FILIP1L: variants seen among roughly 807,000 people sequenced by gnomAD.
The protein encoded by FILIP1L is filamin A interacting protein 1 like, also known as filamin A-interacting protein 1-like.
A neutral mutation model predicts 96.6 loss-of-function variants in FILIP1L; 55 were observed. The observed-to-expected ratio is 0.57, with a 90% CI of 0.46 to 0.71. The LOEUF (loss-of-function observed/expected upper bound fraction) is 0.71. Ranked by LOEUF, FILIP1L falls within the 30% of genes least tolerant of loss-of-function variation. The probability of loss-of-function intolerance (pLI) is 0.00; values close to 1 mark genes in which losing one functional copy is unlikely to be tolerated. For synonymous variants in FILIP1L, 467 were observed against 473.9 expected (o/e 0.99, Z 0.19); for missense variants, 1,304 against 1,321.2 (o/e 0.99, Z 0.20).
chr3:99,970,524 G>A (rs1302828126), intron 1 of FILIP1L, among the ~76,000 whole-genome samples: 1 of 152,198 alleles, frequency 6.6e-6, no homozygotes, highest in Non-Finnish European at 1.5e-5. Context: ...CCTAATTGCA[G>A]AACACTTTCT....
Position 99,849,971 on chromosome 3 carries a change from T to C in FILIP1L, c.1705A>G (p.Asn569Asp). The C allele has an allele frequency of 6.2e-7, 1 of 1,612,628 alleles. No individual in the cohort carries two copies. The highest frequency in any genetic ancestry group is 1.1e-5 in the South Asian group (1 of 90,426). The change falls in exon 5 of 6, where the codon AAC becomes GAC. Residue 569 changes from asparagine to aspartate, a missense_variant. Transcript: ENST00000477258. Reference sequence around the variant, plus strand: ...TTCTCTTCTTCCGCTTTCAATTTGTTTTTTAAATCATCTCTCTCCTTGGTT... The same window carrying C: ...TTCTCTTCTTCCGCTTTCAATTTGTCTTTTAAATCATCTCTCTCCTTGGTT... Reference protein sequence around the residue: ...SVTKERDDLKNKLKAEEEKGN... With the variant: ...SVTKERDDLKDKLKAEEEKGN...
At chr3:99,908,960 C>T (rs1209722750) in intron 4 of FILIP1L, among the ~76,000 whole-genome samples, 1 of 151,890 alleles carries the variant, frequency 6.6e-6, no homozygotes. Flanking sequence ...TTACTCTGAC[C>T]CCATTTACTC....
At chr3:99,885,957 C>T (rs892395578) in intron 4 of FILIP1L, among the ~76,000 whole-genome samples, 3 of 152,204 alleles carry the variant, frequency 2.0e-5, no homozygotes, top group Non-Finnish European at 2.9e-5. Flanking sequence ...ACTAGTAGCA[C>T]TCTTTGTGCA....
intron 4 of FILIP1L, among the ~76,000 whole-genome samples, chr3:99,914,283 AAGTTTTTTTATTTTTGGAAGACC>A: frequency 6.6e-6 from 1 of 152,328 alleles, no homozygotes; most frequent in East Asian, 1.9e-4. Flanking sequence ...TGAGCAATGG[AAGTTTTTTTATTTTTGGAAGACC>A]AGTGATGCTA....
At chr3:99,952,843 CA>C (rs1708216038) in intron 1 of FILIP1L, among the ~76,000 whole-genome samples, 1 of 152,086 alleles carries the variant, frequency 6.6e-6, no homozygotes, top group African/African-American at 2.4e-5. Flanking sequence ...AGGATAATTT[CA>C]ATCTTTATAT....
At chr3:99,948,354 TTTAAAAATTAA>T (rs1273299258) in intron 1 of FILIP1L, among the ~76,000 whole-genome samples, 1 of 151,924 alleles carries the variant, frequency 6.6e-6, no homozygotes, top group African/African-American at 2.4e-5. Context: ...TAAAAAATTT[TTTAAAAATTAA>T]GTAAAAATAA....
chr3:100,017,565 A>T (rs1235207622), intron 1 of FILIP1L, among the ~76,000 whole-genome samples: 1 of 152,198 alleles, frequency 6.6e-6, no homozygotes, highest in African/African-American at 2.4e-5. Context: ...TGTCAGCAAC[A>T]TGTATCCTGA....
chr3:99,842,085 A>G (rs369844536), intron 5 of FILIP1L, among the ~76,000 whole-genome samples: 1 of 152,208 alleles, frequency 6.6e-6, no homozygotes, highest in Admixed American at 6.5e-5. Flanking sequence ...AACCAGCTCA[A>G]ATGTCCATCA....
At chr3:99,933,883 G>GT (rs758947472) in intron 1 of FILIP1L, among the ~76,000 whole-genome samples, 12 of 152,202 alleles carry the variant, frequency 7.9e-5, no homozygotes, top group Non-Finnish European at 8.8e-5. Context: ...ACATGTTAGT[G>GT]TTTAACAAAC....
chr3:99,951,813 A>T (rs1168478173), intron 1 of FILIP1L, among the ~76,000 whole-genome samples: 1 of 152,178 alleles, frequency 6.6e-6, no homozygotes, highest in East Asian at 1.9e-4. Flanking sequence ...ACAACTACTC[A>T]AACTCTATCT....
chr3:100,030,959 A>T (rs897320076), intron 1 of FILIP1L, among the ~76,000 whole-genome samples: 1 of 152,188 alleles, frequency 6.6e-6, no homozygotes, highest in Non-Finnish European at 1.5e-5. Flanking sequence ...AATCTATGAG[A>T]TATGAAGTCT....
At chr3:99,972,190 T>C (rs1708842895) in intron 1 of FILIP1L, among the ~76,000 whole-genome samples, 1 of 152,148 alleles carries the variant, frequency 6.6e-6, no homozygotes, top group African/African-American at 2.4e-5. Flanking sequence ...AGTCTTTTTA[T>C]GGGCTTAATA....
intron 1 of FILIP1L, among the ~76,000 whole-genome samples, chr3:100,014,891 C>CTTTTTTTTTTTTTTTTTTTTTT (rs1710284139): frequency 6.2e-4 from 17 of 27,220 alleles, no homozygotes; most frequent in African/African-American, 7.5e-4. Context: ...TTTTTTCTTT[C>CTTTTTTTTTTTTTTTTTTTTTT]TTTCTTTTTT....
At chr3:99,920,312 A>AG (rs1168061558) in intron 4 of FILIP1L, among the ~76,000 whole-genome samples, 2 of 152,242 alleles carry the variant, frequency 1.3e-5, no homozygotes, top group Admixed American at 1.3e-4. Flanking sequence ...AGAAAAAAAA[A>AG]TATGCAAGCT....
intron 4 of FILIP1L, among the ~76,000 whole-genome samples, chr3:99,903,162 G>T (rs1706492457): frequency 6.6e-6 from 1 of 152,050 alleles, no homozygotes; most frequent in African/African-American, 2.4e-5. Context: ...TTGTTATGAG[G>T]ATTAAAGTTT....
intron 1 of FILIP1L, among the ~76,000 whole-genome samples, chr3:100,098,694 G>A (rs1576057792): frequency 1.3e-5 from 2 of 152,296 alleles, no homozygotes; most frequent in South Asian, 4.1e-4. Context: ...GTGTAGCATA[G>A]CAGTGCCTTC....
chr3:99,963,967 G>A (rs1472678927), intron 1 of FILIP1L, among the ~76,000 whole-genome samples: 1 of 152,104 alleles, frequency 6.6e-6, no homozygotes, highest in Non-Finnish European at 1.5e-5. Flanking sequence ...AAAATGATCA[G>A]TAGGCCAGGC....
At chr3:99,992,333 T>C (rs572635366) in intron 1 of FILIP1L, among the ~76,000 whole-genome samples, 25 of 152,192 alleles carry the variant, frequency 1.6e-4, no homozygotes, top group Middle Eastern at 3.4e-3. Flanking sequence ...CCAACATCTG[T>C]TGTTTTTTGA....
At chr3:100,060,845 G>A (rs987329538) in intron 1 of FILIP1L, among the ~76,000 whole-genome samples, 5 of 152,142 alleles carry the variant, frequency 3.3e-5, no homozygotes, top group African/African-American at 4.8e-5. Flanking sequence ...CTGGGCAATA[G>A]AGCCAGATCT....
Sources: gnomAD v4.1 joint callset for allele counts (sites outside exome capture counted in the v4.1 genomes callset) on GRCh38, gnomAD v4.1.1 for gene constraint, MANE v1.5 for transcripts, NCBI Gene and HGNC (gene_info 2026-07-23, HGNC 2026-07-21) for gene names.